OPTC: variants seen among roughly 807,000 people sequenced by gnomAD.
OPTC encodes the protein opticin.
Under a neutral mutation model 25.4 loss-of-function variants are expected in OPTC, and 22 were observed. The observed-to-expected ratio is 0.87, with a 90% confidence interval of 0.62 to 1.24. The LOEUF is 1.24. Among genes scored for constraint, OPTC ranks in the 50% most tolerant of loss-of-function variants. OPTC has a pLI of 0.00. For synonymous variants in OPTC, 169 were observed against 179.3 expected (o/e 0.94, Z 0.46); for missense variants, 417 against 425.2 (o/e 0.98, Z 0.17).
rs4971245 is a variant in OPTC at position 203,495,639 on chromosome 1, C to T, written c.-41-326C>T. 0.14 allele frequency among the ~76,000 whole-genome samples: 22,025 copies of T among 152,202 alleles called. 1,781 individuals are homozygous for T. Among genetic ancestry groups the T allele is most frequent in the East Asian group, 0.31 (1,616 of 5,170 alleles). On this transcript the variant is annotated intron_variant, in intron 1 of 7. Transcript: ENST00000367222. ...TTGTTTAAGAGAGGACATCTGTGTG[C>T]ATGCACCAGTGTGTGCCTCGTTTGT...
In OPTC at chr1:203,499,771, G is replaced by C. The variant is rs749690806; in HGVS notation, c.652G>C (p.Val218Leu). The change falls in exon 5 of 8, where the codon GTG becomes CTG. Residue 218 changes from valine to leucine, a missense_variant. Val to Leu is a conservative substitution (Grantham distance 32, BLOSUM62 1). Coordinates refer to ENST00000367222, the MANE Select transcript of OPTC (RefSeq NM_014359.4). Reference sequence around the variant, plus strand: ...AGAGAACCAGTTGGAAGCTCTGCCCGTGCTGCCCAGTGGCATTGAGTTCCT... The same window carrying C: ...AGAGAACCAGTTGGAAGCTCTGCCCCTGCTGCCCAGTGGCATTGAGTTCCT... ...LPENQLEALP[V>L]LPSGIEFLDV... is the part of the protein sequence containing the mutation. The C allele has an allele frequency of 1.2e-6, 2 of 1,612,730 alleles. No homozygotes were observed. Among genetic ancestry groups the C allele is most frequent in the South Asian group, 1.1e-5 (1 of 91,068 alleles).
In OPTC at chr1:203,498,768, G is replaced by A. The variant is rs377512840; in HGVS notation, c.458G>A (p.Arg153Gln). The change falls in exon 4 of 8, where the codon CGG becomes CAG. Residue 153 changes from arginine (R) to glutamine (Q), a missense_variant. Transcript: ENST00000367222. The stretch of plus-strand genomic sequence containing the variant: ...CTAGAGGACATTCCTCCTCTTCCTC[G>A]GAGGACTGCCTACCTGTATGCACGC... ...IDLEDIPPLP[R>Q]RTAYLYARFN... The A allele has an allele frequency of 1.7e-5, 27 of 1,613,952 alleles. No individual in the cohort carries two copies. The highest frequency in any genetic ancestry group is 5.3e-5 in the African/African-American group (4 of 74,916).
intron 5 of OPTC, among the ~76,000 whole-genome samples, chr1:203,501,764 C>T (rs927058378): frequency 6.6e-6 from 1 of 152,166 alleles, no homozygotes; most frequent in Non-Finnish European, 1.5e-5. Context: ...AGCGTCACTA[C>T]CACTGTTGTG....
chr1:203,497,115 G>A lies in OPTC; in HGVS notation c.370G>A (p.Gly124Ser), dbSNP rs997537054. Residue 124 changes from glycine to serine, a missense_variant and splice_region_variant, in exon 3 of 8, where the codon GGT (glycine) becomes AGT (serine). Physicochemically the swap from Gly to Ser is moderately conservative, Grantham distance 56 (BLOSUM62 0). Transcript: ENST00000367222. ...GLLLSSQPNH[G>S]LPTCLVCVCL... is the part of the protein sequence containing the mutation. ...GCTACTGAGTTCCCAGCCCAACCATGGTAAGTGCACAGTCACATGGTCGCA... is the reference window on the plus strand; with the variant it reads ...GCTACTGAGTTCCCAGCCCAACCATAGTAAGTGCACAGTCACATGGTCGCA... 5 of 1,613,858 alleles carry A rather than the reference G, an allele frequency of 3.1e-6. No homozygotes were observed. In the Admixed American group the frequency reaches 6.7e-5, roughly 22 times the overall value.
chr1:203,495,811 A>G (rs957389157), intron 1 of OPTC, among the ~76,000 whole-genome samples, 154 bp from the exon 2 acceptor site: 2 of 152,174 alleles, frequency 1.3e-5, no homozygotes, highest in South Asian at 2.1e-4. Flanking sequence ...CCCCCAAGAC[A>G]TAGTCCCAGC....
Position 203,499,804 on chromosome 1 carries a change from C to T in OPTC, c.685C>T (p.Arg229Cys), listed in dbSNP as rs150633473. Reference protein sequence around the residue: ...LPSGIEFLDVRLNRLQSSGIQ... With the variant: ...LPSGIEFLDVCLNRLQSSGIQ... ...CAGTGGCATTGAGTTCCTGGATGTC[C>T]GCCTAAATCGGCTCCAGAGCTCGGG... Residue 229 changes from arginine to cysteine, a missense_variant, in exon 5 of 8, where the codon CGC becomes TGC. By Grantham distance (180) the Arg-to-Cys change is radical (BLOSUM62 -3). Transcript: ENST00000367222. 103 of 1,612,624 alleles carry T rather than the reference C, an allele frequency of 6.4e-5. No homozygotes were observed. Among genetic ancestry groups the T allele is most frequent in the African/African-American group, 1.5e-4 (11 of 74,910 alleles).
At chr1:203,496,320 G>C in intron 2 of OPTC, 84 bp downstream of exon 2, 1 of 957,982 alleles carries the variant, frequency 1.0e-6, no homozygotes. Context: ...CCCAAAGTGC[G>C]GGTGTCTCCA....
intron 1 of OPTC, among the ~76,000 whole-genome samples, chr1:203,494,714 T>C (rs1661250705): frequency 6.6e-6 from 1 of 152,124 alleles, no homozygotes; most frequent in Non-Finnish European, 1.5e-5. Flanking sequence ...AGGGAGAGTC[T>C]ACTAGAAACT....
intron 7 of OPTC, 136 bp downstream of exon 7, chr1:203,503,881 C>T: frequency 1.3e-6 from 1 of 751,378 alleles, no homozygotes; most frequent in Non-Finnish European, 2.3e-6. Context: ...CATGCACACG[C>T]ATGCATACAC....
At position 203,503,673 on chromosome 1, in the gene OPTC, A is replaced by G. The variant is rs1357977740; in HGVS notation, c.952A>G (p.Ser318Gly). Residue 318 changes from serine to glycine, a missense_variant, in exon 7 of 8, where the codon AGC becomes GGC. Coordinates refer to ENST00000367222, the MANE Select transcript of OPTC (RefSeq NM_014359.4). ...CCCCATCAACCTCAGCCTCTTCCCC[A>G]GCGCCTACTTCTGCCTGCCTCGGCT... is the stretch of plus-strand genomic sequence containing the variant. The part of the protein sequence containing the change: ...GNPINLSLFP[S>G]AYFCLPRLPI... 82 of 1,612,398 alleles carry G rather than the reference A, an allele frequency of 5.1e-5. No homozygotes were observed. Among genetic ancestry groups the G allele is most frequent in the Non-Finnish European group, 6.7e-5 (79 of 1,180,012 alleles).
At chr1:203,504,723 C>T (rs983893347) in intron 7 of OPTC, among the ~76,000 whole-genome samples, 11 of 152,176 alleles carry the variant, frequency 7.2e-5, no homozygotes, top group Non-Finnish European at 1.3e-4. Flanking sequence ...CACCCAGATG[C>T]GCTTCTTGTA....
intron 7 of OPTC, among the ~76,000 whole-genome samples, chr1:203,506,849 C>T (rs1400557876): frequency 6.6e-6 from 1 of 152,238 alleles, no homozygotes; most frequent in African/African-American, 2.4e-5. Context: ...CTCTCTGCCA[C>T]ACTCCAATGC....
At chr1:203,507,302 G>A (rs1390163185) in intron 7 of OPTC, among the ~76,000 whole-genome samples, 1 of 152,188 alleles carries the variant, frequency 6.6e-6, no homozygotes, top group African/African-American at 2.4e-5. Flanking sequence ...ATGACACAGA[G>A]CAGATGCAAG....
intron 7 of OPTC, among the ~76,000 whole-genome samples, chr1:203,505,933 T>A (rs946208564): frequency 7.0e-6 from 1 of 142,946 alleles, no homozygotes; most frequent in African/African-American, 2.6e-5. Flanking sequence ...TCTCTGTGTG[T>A]GTCTCTCTCT....
chr1:203,498,110 G>A (rs774461297), intron 3 of OPTC, among the ~76,000 whole-genome samples: 8 of 152,154 alleles, frequency 5.3e-5, no homozygotes, highest in South Asian at 4.1e-4. Context: ...CTCATTACCC[G>A]TGGGTACAGA....
chr1:203,500,134 C>T (rs1319526341), intron 5 of OPTC, among the ~76,000 whole-genome samples: 2 of 5,026 alleles, frequency 4.0e-4, no homozygotes, highest in East Asian at 0.015. Context: ...CACCTACCTC[C>T]ACCACCACCA....
At chr1:203,504,627 C>T (rs1661447612) in intron 7 of OPTC, among the ~76,000 whole-genome samples, 1 of 152,216 alleles carries the variant, frequency 6.6e-6, no homozygotes, top group Admixed American at 6.5e-5. Context: ...TAGGGCATTC[C>T]TTCATTTCCT....
At chr1:203,496,304 A>T in intron 2 of OPTC, 68 bp downstream of exon 2, 1 of 1,181,622 alleles carries the variant, frequency 8.5e-7, no homozygotes, top group South Asian at 1.2e-5. Flanking sequence ...GGGCCCTCCC[A>T]TCTGCCCCAA....
rs568779765 is a variant in OPTC, at chr1:203,505,439, A to G, written c.*25+1694A>G. ...CAGGCAATGAGTTGCCAAGGCAACT[A>G]TTCAAGGTCCCTGGTGGTCCCCGAG... On this transcript the variant is annotated intron_variant, in intron 7 of 7. Coordinates refer to ENST00000367222, the MANE Select transcript of OPTC (RefSeq NM_014359.4). Among the ~76,000 whole-genome samples the G allele has an allele frequency of 9.8e-5, 15 of 152,342 alleles. No individual in the cohort carries two copies. In the South Asian group the frequency reaches 3.1e-3, roughly 32 times the overall value.
Sources: gnomAD v4.1 joint callset for allele counts (sites outside exome capture counted in the v4.1 genomes callset) on GRCh38, gnomAD v4.1.1 for gene constraint, MANE v1.5 for transcripts, NCBI Gene and HGNC (gene_info 2026-07-23, HGNC 2026-07-21) for gene names.